WDR70: variants seen among roughly 807,000 people sequenced by gnomAD.
WDR70 encodes WD repeat-containing protein 70.
A neutral mutation model predicts 88.6 loss-of-function variants in WDR70; 53 were observed. The observed-to-expected ratio is 0.60, with a 90% CI of 0.48 to 0.75. The LOEUF (loss-of-function observed/expected upper bound fraction) is 0.75. Among genes scored for constraint, WDR70 ranks in the 30% least tolerant of loss-of-function variants. The probability of loss-of-function intolerance (pLI) is 0.00; values close to 1 mark genes in which losing one functional copy is unlikely to be tolerated. For synonymous variants in WDR70, 280 were observed against 270.0 expected (o/e 1.04, Z -0.36); for missense variants, 610 against 823.2 (o/e 0.74, Z 3.17).
At chr5:37,533,782 T>C (rs1581373769) in intron 9 of WDR70, among the ~76,000 whole-genome samples, 1 of 151,964 alleles carries the variant, frequency 6.6e-6, no homozygotes, top group African/African-American at 2.4e-5. Flanking sequence ...ACCAGGGAAG[T>C]GGGGGAAAGC....
chr5:37,473,636 G>C (rs1345945663), intron 7 of WDR70, among the ~76,000 whole-genome samples: 1 of 152,126 alleles, frequency 6.6e-6, no homozygotes, highest in Non-Finnish European at 1.5e-5. Flanking sequence ...GAGCCACCGC[G>C]CCTGGCCTTA....
chr5:37,728,287 G>A lies in WDR70; in HGVS notation c.1877+1242G>A, dbSNP rs908480131. On this transcript the variant is annotated intron_variant, in intron 17 of 17. Transcript: ENST00000265107. ...TGCTTGAACCCGGGAGGTGGAGGTTGCAGTGAGCCAGGATCACACCACTGC... is the reference window on the plus strand; with the variant it reads ...TGCTTGAACCCGGGAGGTGGAGGTTACAGTGAGCCAGGATCACACCACTGC... Among the ~76,000 whole-genome samples the A allele has an allele frequency of 4.0e-5, 6 of 149,100 alleles. No individual in the cohort carries two copies. In the East Asian group the frequency reaches 1.2e-3, roughly 29 times the overall value.
At chr5:37,666,930 A>G (rs894002866) in intron 10 of WDR70, among the ~76,000 whole-genome samples, 1 of 152,204 alleles carries the variant, frequency 6.6e-6, no homozygotes, top group African/African-American at 2.4e-5. Context: ...GAGAAGATTC[A>G]AAGGGTTATT....
intron 17 of WDR70, among the ~76,000 whole-genome samples, chr5:37,748,429 G>A (rs904468470): frequency 1.3e-5 from 2 of 152,146 alleles, no homozygotes; most frequent in African/African-American, 4.8e-5. Context: ...GCTGAAACTG[G>A]ACCCCTTCCT....
intron 5 of WDR70, among the ~76,000 whole-genome samples, chr5:37,428,682 T>C (rs1750209772): frequency 6.6e-6 from 1 of 152,232 alleles, no homozygotes; most frequent in South Asian, 2.1e-4. Context: ...GACAAATAGC[T>C]TGTTCTTGGT....
At chr5:37,644,123 G>C (rs1259877237) in intron 10 of WDR70, among the ~76,000 whole-genome samples, 1 of 151,984 alleles carries the variant, frequency 6.6e-6, no homozygotes, top group Non-Finnish European at 1.5e-5. Context: ...CTGTGGGTCT[G>C]TCTATATGGC....
intron 7 of WDR70, among the ~76,000 whole-genome samples, chr5:37,475,067 C>A (rs928981224): frequency 1.3e-5 from 2 of 151,706 alleles, no homozygotes; most frequent in Non-Finnish European, 2.9e-5. Context: ...TACAAGCGTG[C>A]GCTACCACGC....
intron 7 of WDR70, among the ~76,000 whole-genome samples, chr5:37,468,911 G>A (rs1739243629): frequency 1.3e-5 from 2 of 152,170 alleles, no homozygotes. Flanking sequence ...CAAATACTGT[G>A]TCATTTTATA....
intron 7 of WDR70, among the ~76,000 whole-genome samples, chr5:37,477,170 C>T (rs1310385599): frequency 6.6e-6 from 1 of 152,160 alleles, no homozygotes; most frequent in Non-Finnish European, 1.5e-5. Context: ...ATTCTTCATG[C>T]CATACTCTGT....
chr5:37,443,152 G>C, intron 6 of WDR70, 87 bp from the exon 7 acceptor site: 1 of 1,416,224 alleles, frequency 7.1e-7, no homozygotes, highest in South Asian at 1.4e-5. Flanking sequence ...TAACATAGGG[G>C]GTGGGATTAA....
At chr5:37,523,730 G>GC (rs1741170872) in intron 9 of WDR70, among the ~76,000 whole-genome samples, 1 of 152,088 alleles carries the variant, frequency 6.6e-6, no homozygotes, top group Non-Finnish European at 1.5e-5. Context: ...TAAAAACCTT[G>GC]AAAAAAGATT....
At chr5:37,465,044 T>C (rs186876592) in intron 7 of WDR70, among the ~76,000 whole-genome samples, 2 of 152,234 alleles carry the variant, frequency 1.3e-5, no homozygotes, top group African/African-American at 4.8e-5. Context: ...CTTGTAATTT[T>C]ATATCTTAGA....
At chr5:37,672,072 G>A (rs1454860182) in intron 10 of WDR70, among the ~76,000 whole-genome samples, 1 of 152,164 alleles carries the variant, frequency 6.6e-6, no homozygotes, top group African/African-American at 2.4e-5. Context: ...AAGGTTTAAG[G>A]GATCTAGGGC....
intron 8 of WDR70, chr5:37,506,713 G>T: frequency 1.2e-6 from 1 of 833,162 alleles, no homozygotes; most frequent in Non-Finnish European, 2.1e-6. Flanking sequence ...TCATCAGTCA[G>T]TCCACCTTTC....
intron 11 of WDR70, among the ~76,000 whole-genome samples, chr5:37,698,539 T>A (rs1747050614): frequency 6.6e-6 from 1 of 152,166 alleles, no homozygotes; most frequent in Admixed American, 6.5e-5. Context: ...ACAGAGGGCC[T>A]TTAGGCAGGT....
intron 8 of WDR70, among the ~76,000 whole-genome samples, chr5:37,488,141 A>G (rs1581329742): frequency 7.2e-6 from 1 of 138,392 alleles, no homozygotes; most frequent in African/African-American, 2.7e-5. Flanking sequence ...TCTGGCCTAT[A>G]AGGTTTGTGC....
At chr5:37,646,364 G>T (rs10055747) in intron 10 of WDR70, among the ~76,000 whole-genome samples, 16,090 of 151,762 alleles carry the variant, frequency 0.11, 2,735 homozygotes, top group African/African-American at 0.36. Context: ...TATTTTTGAT[G>T]GGCTCATCTT....
intron 11 of WDR70, among the ~76,000 whole-genome samples, chr5:37,699,394 T>TACACAC (rs1491413872): frequency 1.1e-3 from 5 of 4,388 alleles, no homozygotes; most frequent in Admixed American, 3.5e-3. Flanking sequence ...TATGTGTGTA[T>TACACAC]ATATATATAC....
intron 9 of WDR70, among the ~76,000 whole-genome samples, chr5:37,538,516 G>T (rs1741729090): frequency 1.3e-5 from 2 of 152,192 alleles, no homozygotes; most frequent in Admixed American, 1.3e-4. Context: ...GATGGCAATT[G>T]TGAGAAACTA....
Sources: allele counts gnomAD v4.1 joint callset (sites outside exome capture counted in the v4.1 genomes callset), GRCh38; gene constraint gnomAD v4.1.1; transcripts MANE v1.5; gene names NCBI Gene and HGNC (gene_info 2026-07-23, HGNC 2026-07-21).